MAP7: variants seen among roughly 807,000 people sequenced by gnomAD.
MAP7 encodes ensconsin.
A neutral mutation model predicts 94.8 loss-of-function variants in MAP7; 52 were observed. The ratio of observed to expected loss-of-function variants is 0.55; its 90% CI spans 0.44 to 0.69. MAP7 has a LOEUF of 0.69. MAP7 is among the 30% of genes least tolerant of loss of function. The probability of loss-of-function intolerance (pLI) is 0.00; values close to 1 mark genes in which losing one functional copy is unlikely to be tolerated. For synonymous variants in MAP7, 350 were observed against 357.0 expected, an observed-to-expected ratio of 0.98 and a Z score of 0.22; for missense variants, 940 against 964.6, an observed-to-expected ratio of 0.97 and a Z score of 0.34.
chr6:136,487,779 A>T (rs2128982036), intron 1 of MAP7, among the ~76,000 whole-genome samples: 1 of 152,256 alleles, frequency 6.6e-6, no homozygotes, highest in Non-Finnish European at 1.5e-5. Flanking sequence ...ATATTTAGGC[A>T]GTTAACAACT....
intron 1 of MAP7, among the ~76,000 whole-genome samples, chr6:136,546,787 TA>T (rs1267652580): frequency 1.3e-5 from 2 of 152,376 alleles, no homozygotes; most frequent in South Asian, 4.1e-4. Flanking sequence ...CCCGAGTTTT[TA>T]AAAATAACTC....
chr6:136,426,462 T>G (rs1022582327), intron 1 of MAP7, among the ~76,000 whole-genome samples: 1 of 152,216 alleles, frequency 6.6e-6, no homozygotes, highest in African/African-American at 2.4e-5. Context: ...ATAGACCGAT[T>G]CAATTTTCTA....
chr6:136,354,395 T>TATATATATAGTAGATATATATAAAA (rs1169897075), intron 16 of MAP7, among the ~76,000 whole-genome samples: 4 of 144,752 alleles, frequency 2.8e-5, no homozygotes, highest in Non-Finnish European at 6.0e-5. Flanking sequence ...ATAGTAGATA[T>TATATATATAGTAGATATATATAAAA]ATATATATAG....
intron 5 of MAP7, among the ~76,000 whole-genome samples, chr6:136,387,517 T>C (rs961167153): frequency 6.6e-6 from 1 of 152,120 alleles, no homozygotes; most frequent in South Asian, 2.1e-4. Context: ...TAGGCATGCG[T>C]TGATGACTAA....
intron 1 of MAP7, chr6:136,467,030 TTC>T (rs1807362235): frequency 2.3e-6 from 1 of 432,300 alleles, no homozygotes; most frequent in Admixed American, 6.4e-5. Flanking sequence ...TGGGAAATGC[TTC>T]TGTTCAAAAA....
intron 1 of MAP7, among the ~76,000 whole-genome samples, chr6:136,457,601 A>C (rs1302188716): frequency 1.3e-5 from 2 of 152,176 alleles, no homozygotes; most frequent in Admixed American, 6.5e-5. Flanking sequence ...CAGTATATTA[A>C]GGGAACAAAT....
At chr6:136,508,478 G>A (rs1562473939) in intron 1 of MAP7, among the ~76,000 whole-genome samples, 1 of 152,138 alleles carries the variant, frequency 6.6e-6, no homozygotes, top group East Asian at 1.9e-4. Flanking sequence ...TTTATCAAAT[G>A]TTAACTTAAC....
At chr6:136,430,987 T>C (rs1213907472) in intron 1 of MAP7, among the ~76,000 whole-genome samples, 1 of 152,174 alleles carries the variant, frequency 6.6e-6, no homozygotes, top group East Asian at 1.9e-4. Flanking sequence ...TGACACGCCA[T>C]CATCACCCGA....
chr6:136,359,947 T>A (rs1256001232), intron 14 of MAP7, 34 bp downstream of exon 14: 1 of 1,610,560 alleles, frequency 6.2e-7, no homozygotes, highest in Non-Finnish European at 8.5e-7. Flanking sequence ...GATAAAAGCA[T>A]ACAAAAGTAG....
intron 1 of MAP7, among the ~76,000 whole-genome samples, chr6:136,549,886 G>C (rs1830003947): frequency 6.6e-6 from 1 of 152,242 alleles, no homozygotes; most frequent in South Asian, 2.1e-4. Context: ...CGGCACCCGG[G>C]GCGACCAGGG....
chr6:136,396,714 A>G (rs547447494), intron 3 of MAP7, among the ~76,000 whole-genome samples: 1 of 152,232 alleles, frequency 6.6e-6, no homozygotes, highest in Non-Finnish European at 1.5e-5. Context: ...AAATTGCTTA[A>G]CCTCCCTATT....
At chr6:136,448,634 C>T (rs1453040594) in intron 1 of MAP7, among the ~76,000 whole-genome samples, 3 of 151,842 alleles carry the variant, frequency 2.0e-5, no homozygotes, top group East Asian at 3.9e-4. Flanking sequence ...AGGATGGTCT[C>T]GATCTCCTGA....
At chr6:136,493,508 C>T (rs1342660335) in intron 1 of MAP7, among the ~76,000 whole-genome samples, 1 of 152,114 alleles carries the variant, frequency 6.6e-6, no homozygotes, top group East Asian at 1.9e-4. Flanking sequence ...GCCTGGACTT[C>T]CTGGGCTCAA....
chr6:136,523,789 T>TA (rs889094505), intron 1 of MAP7, among the ~76,000 whole-genome samples: 1 of 152,128 alleles, frequency 6.6e-6, no homozygotes, highest in African/African-American at 2.4e-5. Context: ...ACTCCTTGAT[T>TA]AAGTCTCTCT....
chr6:136,444,755 A>T (rs187453932), intron 1 of MAP7, among the ~76,000 whole-genome samples: 2 of 152,342 alleles, frequency 1.3e-5, no homozygotes, highest in Non-Finnish European at 2.9e-5. Context: ...CTATCTAATT[A>T]TTGTCAGAAA....
rs15569 is a variant in MAP7, at chr6:136,343,490, G to A, written c.*738C>T. 1 of 152,576 alleles carries A rather than the reference G, an allele frequency of 6.6e-6. No individual in the cohort carries two copies. The highest frequency in any genetic ancestry group is 1.5e-5 in the Non-Finnish European group (1 of 68,028). 9.5% of individuals were successfully genotyped at this position (152,576 alleles called of 1,614,324 possible). On this transcript the variant is annotated 3_prime_UTR_variant, in exon 18 of 18. Transcript: ENST00000354570. Reference sequence around the variant, plus strand: ...GGAATGCAGCTAACAAATTAAATTTGTAATGTTGTCACATTATTCTAATTT... The same window carrying A: ...GGAATGCAGCTAACAAATTAAATTTATAATGTTGTCACATTATTCTAATTT...
Position 136,526,634 on chromosome 6 carries a change from T to C in MAP7, c.67+23708A>G. On this transcript the variant is annotated intron_variant, in intron 1 of 17. Transcript: ENST00000354570. ...CGTGAGGCCGCTGGGCAGCTCCCTC[T>C]TCCTCTCAGCGGCAGCGCAGCAGGA... 7 of 985,480 alleles carry C rather than the reference T, an allele frequency of 7.1e-6. 1 individual carries two copies. The highest frequency in any genetic ancestry group is 8.4e-6 in the Non-Finnish European group (7 of 830,016). 61.0% of individuals were successfully genotyped at this position (985,480 alleles called of 1,614,324 possible).
intron 1 of MAP7, among the ~76,000 whole-genome samples, chr6:136,547,542 T>G (rs995774430): frequency 6.6e-6 from 1 of 152,162 alleles, no homozygotes; most frequent in African/African-American, 2.4e-5. Context: ...TGACATCCTC[T>G]AGTGGTGATG....
In MAP7 at chr6:136,361,194, A is replaced by G; in HGVS notation, c.1527-15T>C. On this transcript the variant is annotated splice_polypyrimidine_tract_variant and intron_variant, in intron 11 of 17. Coordinates refer to ENST00000354570, the MANE Select transcript of MAP7 (RefSeq NM_003980.6). ...CTCTCTTTTGTCTGGAAAAAGACAGAACAAAACCAAAACCAAAGACACCTG... is the reference window on the plus strand; with the variant it reads ...CTCTCTTTTGTCTGGAAAAAGACAGGACAAAACCAAAACCAAAGACACCTG... 24 of 1,600,950 alleles carry G rather than the reference A, an allele frequency of 1.5e-5. No homozygotes were observed. Among genetic ancestry groups the G allele is most frequent in the Non-Finnish European group, 1.9e-5 (22 of 1,179,868 alleles).
Sources: gnomAD v4.1 joint callset for allele counts (sites outside exome capture counted in the v4.1 genomes callset) on GRCh38, gnomAD v4.1.1 for gene constraint, MANE v1.5 for transcripts, NCBI Gene and HGNC (gene_info 2026-07-23, HGNC 2026-07-21) for gene names.